UTRN: variants seen among roughly 807,000 people sequenced by gnomAD.
UTRN encodes dystrophin-related protein 1.
Under a neutral mutation model 463.9 loss-of-function variants are expected in UTRN, and 283 were observed. The observed-to-expected ratio is 0.61, with a 90% CI of 0.55 to 0.67. The LOEUF (loss-of-function observed/expected upper bound fraction) is 0.67. Ranked by LOEUF, UTRN falls within the 30% of genes least tolerant of loss-of-function variation. UTRN has a pLI of 0.00. For missense variants in UTRN, 3,922 were observed against 4,084.3 expected (o/e 0.96, Z 1.08); for synonymous variants, 1,442 against 1,431.5 (o/e 1.01, Z -0.17).
At chr6:144,554,950 T>G in intron 49 of UTRN, 57 bp downstream of exon 49, 1 of 1,561,862 alleles carries the variant, frequency 6.4e-7, no homozygotes, top group South Asian at 1.2e-5. Flanking sequence ...ACTTTTTTTC[T>G]ATTGTTCACT....
At chr6:144,836,090 T>C in intron 70 of UTRN, 152 bp downstream of exon 70, 3 of 1,403,072 alleles carry the variant, frequency 2.1e-6, no homozygotes, top group Non-Finnish European at 1.9e-6. Context: ...GGATGCTGGC[T>C]GCAATACAGC....
In UTRN at chr6:144,433,676, G is replaced by A. The variant is rs573662655; in HGVS notation, c.856-2259G>A. Among the ~76,000 whole-genome samples the A allele has an allele frequency of 3.3e-3, 507 of 151,900 alleles. 1 individual carries two copies. Among genetic ancestry groups the A allele is most frequent in the Non-Finnish European group, 5.1e-3 (346 of 67,890 alleles). ...TCACCTCCCAGACGGGGTCGCGGCCGGGCAGAGGCACTCCTCACATCCCAG... is the reference window on the plus strand; with the variant it reads ...TCACCTCCCAGACGGGGTCGCGGCCAGGCAGAGGCACTCCTCACATCCCAG... On this transcript the variant is annotated intron_variant, in intron 9 of 74. Transcript: ENST00000367545.
intron 62 of UTRN, 32 bp downstream of exon 62, chr6:144,789,311 T>C (rs1338434524): frequency 6.7e-7 from 1 of 1,488,696 alleles, no homozygotes; most frequent in Non-Finnish European, 9.2e-7. Flanking sequence ...CCAACAGTGT[T>C]TTTAGTAATA....
At chr6:144,843,291 T>C (rs560808567) in intron 73 of UTRN, among the ~76,000 whole-genome samples, 1 of 151,944 alleles carries the variant, frequency 6.6e-6, no homozygotes, top group Non-Finnish European at 1.5e-5. Flanking sequence ...GTAATATATA[T>C]AAAATATATA....
At chr6:144,807,690 G>A (rs1383665683) in intron 65 of UTRN, among the ~76,000 whole-genome samples, 1 of 152,076 alleles carries the variant, frequency 6.6e-6, no homozygotes, top group Non-Finnish European at 1.5e-5. Flanking sequence ...CCTCATCAAA[G>A]CACTTAGTTC....
At chr6:144,742,778 C>A (rs913248736) in intron 54 of UTRN, among the ~76,000 whole-genome samples, 7 of 152,282 alleles carry the variant, frequency 4.6e-5, no homozygotes, top group African/African-American at 1.7e-4. Flanking sequence ...AACTGGCATG[C>A]AATCTCCTAA....
Position 144,630,675 on chromosome 6 carries a change from T to A in UTRN, c.7480-47731T>A, listed in dbSNP as rs112256096. ...CCATATCATCCTGATACAAAACAGG[T>A]CATTAATAAATATTTATTGAATAGA... On this transcript the variant is annotated intron_variant, in intron 51 of 74. Transcript: ENST00000367545. Among the ~76,000 whole-genome samples the A allele has an allele frequency of 2.1e-3, 316 of 151,622 alleles. 3 individuals are homozygous for A. Among genetic ancestry groups the A allele is most frequent in the African/African-American group, 7.5e-3 (305 of 40,884 alleles).
chr6:144,397,750 A>T (rs1266710282), intron 2 of UTRN, among the ~76,000 whole-genome samples: 1 of 152,084 alleles, frequency 6.6e-6, no homozygotes, highest in Non-Finnish European at 1.5e-5. Context: ...TATATTTTAA[A>T]GCCTTCTTTC....
Position 144,453,799 on chromosome 6 carries a change from G to A in UTRN, c.2214G>A (p.Gln738=). 6.2e-7 allele frequency: 1 copy of A among 1,613,248 alleles called. No homozygotes were observed. The highest frequency in any genetic ancestry group is 2.2e-5 in the East Asian group (1 of 44,782). ...ATTTGCAGGCATTAGAAAAAGAACA[G>A]AGAGAAAGAATCCCCAGAGCAGATG... ...KKKLKALEKE[Q]RERIPRADEL... The change falls in exon 19 of 75, where the codon CAG becomes CAA. Residue 738 remains glutamine (Q), a synonymous_variant. Transcript: ENST00000367545.
intron 51 of UTRN, among the ~76,000 whole-genome samples, chr6:144,644,798 T>C (rs531445202): frequency 2.0e-5 from 3 of 152,272 alleles, no homozygotes; most frequent in African/African-American, 7.2e-5. Context: ...AGTAATAAAA[T>C]GGAGCCAGGA....
chr6:144,825,162 C>G (rs1323414197), intron 66 of UTRN, among the ~76,000 whole-genome samples: 1 of 152,054 alleles, frequency 6.6e-6, no homozygotes, highest in African/African-American at 2.4e-5. Context: ...CACAAGCTAC[C>G]GAGGCTGGCC....
At chr6:144,715,002 A>G (rs1056005344) in intron 53 of UTRN, among the ~76,000 whole-genome samples, 2 of 152,042 alleles carry the variant, frequency 1.3e-5, no homozygotes, top group Admixed American at 6.5e-5. Context: ...GGGATGTGTC[A>G]CTTGTCAGGC....
rs1374475900 is a variant in UTRN, at chr6:144,488,697, G to A, written c.3997G>A (p.Glu1333Lys). 1 of 1,612,678 alleles carries A rather than the reference G, an allele frequency of 6.2e-7. No individual in the cohort carries two copies. Among genetic ancestry groups the A allele is most frequent in the Non-Finnish European group, 8.5e-7 (1 of 1,179,220 alleles). The change falls in exon 30 of 75, where the codon GAA (glutamate) becomes AAA (lysine). Residue 1333 changes from glutamate (E) to lysine (K), a missense_variant. Transcript: ENST00000367545. ...GGCAGAGAGCAAGCAGATTTCTTTGGAAAAGCAACTCCAGGTGCTGCGGGA... is the reference window on the plus strand; with the variant it reads ...GGCAGAGAGCAAGCAGATTTCTTTGAAAAAGCAACTCCAGGTGCTGCGGGA... ...HLAESKQISL[E>K]KQLQVLRETD...
At chr6:144,349,849 G>A (rs1777955739) in intron 2 of UTRN, among the ~76,000 whole-genome samples, 1 of 152,176 alleles carries the variant, frequency 6.6e-6, no homozygotes, top group South Asian at 2.1e-4. Flanking sequence ...CCATTCAGGG[G>A]ACTGGTGTGG....
intron 50 of UTRN, among the ~76,000 whole-genome samples, chr6:144,564,284 C>G (rs1037342609): frequency 3.3e-5 from 5 of 152,124 alleles, no homozygotes; most frequent in South Asian, 4.1e-4. Flanking sequence ...GAAAGCATAA[C>G]TTGGTGGCAT....
intron 14 of UTRN, 44 bp downstream of exon 14, chr6:144,444,426 G>A: frequency 6.8e-7 from 1 of 1,471,920 alleles, no homozygotes; most frequent in East Asian, 2.4e-5. Context: ...ATGGTGAAAA[G>A]TAACCCATCT....
chr6:144,478,944 G>T (rs1273188167), intron 25 of UTRN, among the ~76,000 whole-genome samples: 5 of 152,012 alleles, frequency 3.3e-5, no homozygotes, highest in Non-Finnish European at 7.4e-5. Context: ...TAACTTTTTT[G>T]TGTCTGTGTG....
chr6:144,819,659 T>C (rs1481210953), intron 65 of UTRN, among the ~76,000 whole-genome samples: 1 of 152,088 alleles, frequency 6.6e-6, no homozygotes, highest in Non-Finnish European at 1.5e-5. Flanking sequence ...TGCCATTGCA[T>C]GCCAGCTTGG....
chr6:144,448,012 C>A (rs1787864491), intron 16 of UTRN, among the ~76,000 whole-genome samples: 1 of 152,030 alleles, frequency 6.6e-6, no homozygotes, highest in African/African-American at 2.4e-5. Context: ...AATAAATAAT[C>A]TTAACATCTT....
Sources: gnomAD v4.1 joint callset for allele counts (sites outside exome capture counted in the v4.1 genomes callset) on GRCh38, gnomAD v4.1.1 for gene constraint, MANE v1.5 for transcripts, NCBI Gene and HGNC (gene_info 2026-07-23, HGNC 2026-07-21) for gene names.